The following ADAMTSL1 variants were observed in gnomAD, a reference collection of about 807,000 sequenced individuals.
ADAMTSL1 encodes ADAMTS-like protein 1.
ADAMTSL1 carries 126 observed loss-of-function variants against 201.8 expected under a neutral mutation model. The observed-to-expected ratio is 0.62, with a 90% CI of 0.54 to 0.72. ADAMTSL1 has a LOEUF of 0.72. Ranked by LOEUF, ADAMTSL1 falls within the 30% of genes least tolerant of loss-of-function variation. The probability of loss-of-function intolerance (pLI) is 0.00; values close to 1 mark genes in which losing one functional copy is unlikely to be tolerated. For synonymous variants in ADAMTSL1, 1,121 were observed against 903.4 expected (o/e 1.24, Z -4.32); for missense variants, 2,679 against 2,277.8 (o/e 1.18, Z -3.59).
chr9:18,882,270 T>C (rs984935116), intron 23 of ADAMTSL1, among the ~76,000 whole-genome samples: 2 of 152,152 alleles, frequency 1.3e-5, no homozygotes, highest in Non-Finnish European at 2.9e-5. Context: ...GACTAAAATC[T>C]CATCAGCCTC....
intron 21 of ADAMTSL1, among the ~76,000 whole-genome samples, chr9:18,821,949 G>A (rs1009371011): frequency 2.6e-5 from 4 of 152,130 alleles, no homozygotes; most frequent in Non-Finnish European, 4.4e-5. Context: ...GACATCAAAG[G>A]CACTGGACCT....
At chr9:18,385,903 G>T (rs1040766971) in intron 2 of ADAMTSL1, among the ~76,000 whole-genome samples, 1 of 152,086 alleles carries the variant, frequency 6.6e-6, no homozygotes, top group Non-Finnish European at 1.5e-5. Flanking sequence ...TGAGAATGTC[G>T]GTTACTCATT....
At chr9:18,420,064 T>C (rs1230485973) in intron 2 of ADAMTSL1, among the ~76,000 whole-genome samples, 2 of 152,308 alleles carry the variant, frequency 1.3e-5, no homozygotes, top group South Asian at 2.1e-4. Context: ...TGCAGTGTTG[T>C]ATTAGGTTGA....
intron 21 of ADAMTSL1, among the ~76,000 whole-genome samples, chr9:18,821,129 A>G (rs1824184732): frequency 6.6e-6 from 1 of 152,248 alleles, no homozygotes; most frequent in African/African-American, 2.4e-5. Flanking sequence ...AGATAAAATC[A>G]GCAGGACTAA....
chr9:18,384,297 G>A (rs1453183822), intron 2 of ADAMTSL1, among the ~76,000 whole-genome samples: 3 of 152,006 alleles, frequency 2.0e-5, no homozygotes, highest in Non-Finnish European at 2.9e-5. Flanking sequence ...CTTTTAAACC[G>A]CCATATCTCA....
chr9:18,479,566 T>G (rs1821621175), intron 1 of ADAMTSL1, among the ~76,000 whole-genome samples: 2 of 152,200 alleles, frequency 1.3e-5, no homozygotes, highest in African/African-American at 4.8e-5. Context: ...CATAAATAAT[T>G]CATTGTAATC....
chr9:18,166,651 G>A (rs1463469794), intron 2 of ADAMTSL1, among the ~76,000 whole-genome samples: 6 of 151,860 alleles, frequency 4.0e-5, no homozygotes, highest in African/African-American at 1.4e-4. Flanking sequence ...GACAGAAGTA[G>A]CATTAACTCT....
rs1318599779 is a variant in ADAMTSL1, at chr9:18,908,669, C to G, written c.*121C>G. ...TTTCCCCCTCCCCACTCCACACACA[C>G]CCTTCCAACCTCCTCCACCTCCACC... On this transcript the variant is annotated 3_prime_UTR_variant, in exon 29 of 29. Coordinates refer to ENST00000380548, the MANE Select transcript of ADAMTSL1 (RefSeq NM_001040272.6). 1 of 744,236 alleles carries G rather than the reference C, an allele frequency of 1.3e-6. No individual in the cohort carries two copies. Among genetic ancestry groups the G allele is most frequent in the African/African-American group, 1.8e-5 (1 of 56,438 alleles). The allele number at this position is 744,236 out of a possible 1,614,324, so 46.1% of individuals were successfully genotyped here.
intron 1 of ADAMTSL1, among the ~76,000 whole-genome samples, chr9:18,034,235 A>G (rs914511659): frequency 1.3e-5 from 2 of 152,100 alleles, no homozygotes; most frequent in African/African-American, 4.8e-5. Context: ...GCTAGCCTTC[A>G]TTTCCCACCA....
At chr9:18,116,385 C>G (rs62549864) in intron 1 of ADAMTSL1, among the ~76,000 whole-genome samples, 1,987 of 152,188 alleles carry the variant, frequency 0.013, 37 homozygotes, top group East Asian at 0.093. Flanking sequence ...CCTTTGAGAA[C>G]AAAATTATTA....
intron 1 of ADAMTSL1, among the ~76,000 whole-genome samples, chr9:18,055,627 A>G (rs964276281): frequency 1.3e-5 from 2 of 152,222 alleles, no homozygotes; most frequent in African/African-American, 4.8e-5. Flanking sequence ...AACCACGAGG[A>G]GTCGTAAGCA....
At position 18,278,291 on chromosome 9, in the gene ADAMTSL1, G is replaced by C. The variant is rs75226886; in HGVS notation, c.207+114310G>C. On this transcript the variant is annotated intron_variant, in intron 2 of 29. Transcript: ENST00000680146. ...TCATATTGTTAAGTAGCATTGTTTC[G>C]TTTTAACTTGAATAATTCCCTTTAG... 3.5e-4 allele frequency among the ~76,000 whole-genome samples: 54 copies of C among 152,118 alleles called. No individual in the cohort carries two copies. The East Asian group carries it at 0.01, about 29-fold the overall frequency.
At chr9:18,308,836 T>C (rs999225613) in intron 2 of ADAMTSL1, among the ~76,000 whole-genome samples, 6 of 152,322 alleles carry the variant, frequency 3.9e-5, no homozygotes, top group African/African-American at 1.2e-4. Context: ...ACTCATTTTA[T>C]GAGGCCGGCA....
intron 23 of ADAMTSL1, among the ~76,000 whole-genome samples, chr9:18,867,904 G>C (rs1486163637): frequency 6.6e-6 from 1 of 152,158 alleles, no homozygotes. Context: ...GGGATTACAG[G>C]CGTGAGCCAC....
chr9:18,036,581 G>A (rs1333158103), intron 1 of ADAMTSL1, among the ~76,000 whole-genome samples: 1 of 152,192 alleles, frequency 6.6e-6, no homozygotes, highest in Non-Finnish European at 1.5e-5. Flanking sequence ...GTAATACTCA[G>A]ATCTTGCTGA....
chr9:18,006,960 C>G (rs1329033749), intron 1 of ADAMTSL1, among the ~76,000 whole-genome samples: 2 of 151,946 alleles, frequency 1.3e-5, no homozygotes, highest in African/African-American at 4.8e-5. Flanking sequence ...ATCTTATGCT[C>G]TTACGTATTT....
intron 25 of ADAMTSL1, among the ~76,000 whole-genome samples, chr9:18,892,076 C>G (rs866887318): frequency 1.3e-5 from 2 of 152,216 alleles, no homozygotes; most frequent in South Asian, 2.1e-4. Context: ...TCCTCCTCCA[C>G]CTCTCTGTAT....
At chr9:18,591,670 G>A (rs1001326741) in intron 4 of ADAMTSL1, among the ~76,000 whole-genome samples, 1 of 151,954 alleles carries the variant, frequency 6.6e-6, no homozygotes, top group African/African-American at 2.4e-5. Context: ...TTGTGGTTTT[G>A]GACCATAAAT....
chr9:18,790,738 G>T (rs903006796), intron 19 of ADAMTSL1, among the ~76,000 whole-genome samples: 3 of 152,056 alleles, frequency 2.0e-5, no homozygotes, highest in African/African-American at 7.2e-5. Flanking sequence ...TACAAATAAA[G>T]GCCCCCAGAA....
Sources: gnomAD v4.1 joint callset for allele counts (sites outside exome capture counted in the v4.1 genomes callset) on GRCh38, gnomAD v4.1.1 for gene constraint, MANE v1.5 for transcripts, NCBI Gene and HGNC (gene_info 2026-07-23, HGNC 2026-07-21) for gene names.